The following CADPS2 variants were observed in gnomAD, a reference collection of about 807,000 sequenced individuals.
The protein encoded by CADPS2 is calcium-dependent secretion activator 2.
CADPS2 carries 93 observed loss-of-function variants against 172.5 expected under a neutral mutation model. That is an observed-to-expected ratio of 0.54 (90% CI 0.46 to 0.64). The LOEUF (loss-of-function observed/expected upper bound fraction) is 0.64. Ranked by LOEUF, CADPS2 falls within the 30% of genes least tolerant of loss-of-function variation. The pLI, the probability that CADPS2 is intolerant of heterozygous loss-of-function variation, is 0.00. For missense variants in CADPS2, 1,420 were observed against 1,565.9 expected, an observed-to-expected ratio of 0.91 and a Z score of 1.57; for synonymous variants, 546 against 555.2, an observed-to-expected ratio of 0.98 and a Z score of 0.23.
At chr7:122,333,475 C>T (rs1185564608) in intron 28 of CADPS2, among the ~76,000 whole-genome samples, 1 of 152,202 alleles carries the variant, frequency 6.6e-6, no homozygotes, top group Non-Finnish European at 1.5e-5. Flanking sequence ...TTTCAGCAAA[C>T]TGACCCACCT....
At chr7:122,450,287 A>G (rs1407319588) in intron 15 of CADPS2, among the ~76,000 whole-genome samples, 1 of 152,122 alleles carries the variant, frequency 6.6e-6, no homozygotes, top group Non-Finnish European at 1.5e-5. Context: ...TATTTTTTAA[A>G]TAAGTTCCAA....
intron 1 of CADPS2, among the ~76,000 whole-genome samples, chr7:122,884,230 G>A (rs924696472): frequency 1.3e-5 from 2 of 152,144 alleles, no homozygotes; most frequent in African/African-American, 4.8e-5. Flanking sequence ...TGGATGATAT[G>A]AACTCATACC....
At chr7:122,872,435 C>T (rs2057835) in intron 1 of CADPS2, among the ~76,000 whole-genome samples, 124,006 of 151,956 alleles carry the variant, frequency 0.82, 51,329 homozygotes, top group African/African-American at 0.95. Context: ...ATATAAAACA[C>T]GTCAAAACAC....
At chr7:122,615,362 C>A in intron 5 of CADPS2, 63 bp from the exon 6 acceptor site, 1 of 1,103,836 alleles carries the variant, frequency 9.1e-7, no homozygotes. Flanking sequence ...TATACATAAA[C>A]AGCAGCATGA....
At chr7:122,569,995 C>A (rs966421986) in intron 7 of CADPS2, among the ~76,000 whole-genome samples, 8 of 149,822 alleles carry the variant, frequency 5.3e-5, no homozygotes, top group African/African-American at 1.5e-4. Context: ...GTCTAAAACA[C>A]CAAAAGCAAT....
chr7:122,384,458 A>G (rs893486050), intron 24 of CADPS2, among the ~76,000 whole-genome samples: 1 of 151,954 alleles, frequency 6.6e-6, no homozygotes, highest in Non-Finnish European at 1.5e-5. Flanking sequence ...TGCTTTTTAT[A>G]AATGAGGTCC....
intron 8 of CADPS2, among the ~76,000 whole-genome samples, chr7:122,532,030 C>CAAAAAAA (rs11326243): frequency 7.6e-6 from 1 of 131,600 alleles, no homozygotes; most frequent in African/African-American, 2.8e-5. Flanking sequence ...GACTCCGTCT[C>CAAAAAAA]AAAAAAAAAA....
At chr7:122,529,248 G>C (rs1172652224) in intron 8 of CADPS2, among the ~76,000 whole-genome samples, 2 of 151,780 alleles carry the variant, frequency 1.3e-5, no homozygotes, top group Non-Finnish European at 2.9e-5. Context: ...GCAACACTAA[G>C]ATATATTAGT....
chr7:122,430,016 T>A (rs553764038), intron 17 of CADPS2, among the ~76,000 whole-genome samples: 21 of 152,014 alleles, frequency 1.4e-4, no homozygotes, highest in Non-Finnish European at 2.8e-4. Context: ...CACATCCTAA[T>A]GATATAAGGA....
intron 2 of CADPS2, among the ~76,000 whole-genome samples, chr7:122,729,676 G>GTTTTTTTTT (rs56993717): frequency 5.3e-5 from 5 of 94,230 alleles, no homozygotes; most frequent in African/African-American, 8.4e-5. Flanking sequence ...ATTTTTAACG[G>GTTTTTTTTT]TTTTTTTTTT....
intron 1 of CADPS2, among the ~76,000 whole-genome samples, chr7:122,879,362 C>G (rs964252493): frequency 6.6e-5 from 10 of 151,478 alleles, no homozygotes; most frequent in African/African-American, 9.7e-5. Flanking sequence ...ATGGTGAAAC[C>G]CCGTCTCTAC....
chr7:122,827,122 A>T (rs950446941), intron 1 of CADPS2, among the ~76,000 whole-genome samples: 1 of 152,192 alleles, frequency 6.6e-6, no homozygotes, highest in African/African-American at 2.4e-5. Flanking sequence ...TATAGCCAGT[A>T]AAATATGAGA....
chr7:122,802,391 A>G (rs1340524388), intron 1 of CADPS2, among the ~76,000 whole-genome samples: 1 of 152,158 alleles, frequency 6.6e-6, no homozygotes, highest in Non-Finnish European at 1.5e-5. Context: ...TCTGCGTCAC[A>G]TGCTGTGTAC....
chr7:122,527,617 A>AGAGAGAGAGAGAGAGTGTGTGTGTGT, intron 8 of CADPS2, among the ~76,000 whole-genome samples: 12 of 83,870 alleles, frequency 1.4e-4, no homozygotes, highest in Non-Finnish European at 2.6e-4. Context: ...AGAGAGAGAG[A>AGAGAGAGAGAGAGAGTGTGTGTGTGT]GTGTGTGTGT....
intron 17 of CADPS2, among the ~76,000 whole-genome samples, chr7:122,424,791 C>G (rs368728397): frequency 7.1e-6 from 1 of 140,934 alleles, no homozygotes; most frequent in Non-Finnish European, 1.6e-5. Flanking sequence ...AAAGCTCTCA[C>G]AGGGACGAAT....
chr7:122,775,857 C>A (rs570299228), intron 1 of CADPS2, among the ~76,000 whole-genome samples: 1 of 152,248 alleles, frequency 6.6e-6, no homozygotes, highest in African/African-American at 2.4e-5. Flanking sequence ...GGAAGTCATT[C>A]AAATTTAATC....
intron 2 of CADPS2, among the ~76,000 whole-genome samples, chr7:122,716,916 C>T (rs2089692640): frequency 6.6e-6 from 1 of 152,100 alleles, no homozygotes; most frequent in Non-Finnish European, 1.5e-5. Flanking sequence ...TTTGTCCCTA[C>T]TTGCAATGTG....
intron 9 of CADPS2, among the ~76,000 whole-genome samples, chr7:122,493,292 A>T (rs2058462577): frequency 6.6e-6 from 1 of 152,008 alleles, no homozygotes. Context: ...CCAAAAAGAG[A>T]GGTTTGAGGA....
chr7:122,649,927 TGA>T (rs2078973012), intron 3 of CADPS2, among the ~76,000 whole-genome samples: 2 of 125,008 alleles, frequency 1.6e-5, no homozygotes, highest in East Asian at 2.1e-4. Flanking sequence ...TTTTTTTTTT[TGA>T]GAGAGTCTCA....
Sources: allele counts gnomAD v4.1 joint callset (sites outside exome capture counted in the v4.1 genomes callset), GRCh38; gene constraint gnomAD v4.1.1; transcripts MANE v1.5; gene names NCBI Gene and HGNC (gene_info 2026-07-23, HGNC 2026-07-21).